Variants in TSPAN9 observed in about 807,000 individuals in gnomAD.
TSPAN9 encodes the protein tetraspanin 9, also known as tetraspanin-9.
A neutral mutation model predicts 31.0 loss-of-function variants in TSPAN9; 16 were observed. The ratio of observed to expected loss-of-function variants is 0.52; its 90% CI spans 0.35 to 0.78. The LOEUF (loss-of-function observed/expected upper bound fraction) is 0.78, where lower values mean the gene tolerates loss of function less well. TSPAN9 is among the 30% of genes least tolerant of loss of function. The probability of loss-of-function intolerance (pLI) is 0.01; values close to 1 mark genes in which losing one functional copy is unlikely to be tolerated. For synonymous variants in TSPAN9, 145 were observed against 121.6 expected (o/e 1.19, Z -1.27); for missense variants, 272 against 312.5 (o/e 0.87, Z 0.98).
intron 2 of TSPAN9, among the ~76,000 whole-genome samples, chr12:3,121,352 C>CTTT (rs59198394): frequency 6.5e-5 from 7 of 108,296 alleles, no homozygotes; most frequent in African/African-American, 1.1e-4. Flanking sequence ...GGGATGTTGG[C>CTTT]TTTTTTTTTT....
At chr12:3,226,618 AC>A (rs1426296081) in intron 3 of TSPAN9, among the ~76,000 whole-genome samples, 32 of 146,936 alleles carry the variant, frequency 2.2e-4, no homozygotes, top group Non-Finnish European at 3.7e-4. Flanking sequence ...AGGCAACATA[AC>A]AAGACCCCAT....
At position 3,170,590 on chromosome 12, in the gene TSPAN9, GT is replaced by G. The variant is rs2098351228; in HGVS notation, c.-17-30586del. Among the ~76,000 whole-genome samples the G allele has an allele frequency of 6.6e-6, 1 of 150,422 alleles. No individual in the cohort carries two copies. Among genetic ancestry groups the G allele is most frequent in the South Asian group, 2.2e-4 (1 of 4,626 alleles). On this transcript the variant is annotated intron_variant, in intron 2 of 8. Coordinates refer to ENST00000011898, the MANE Select transcript of TSPAN9 (RefSeq NM_006675.5). This position sits in a 1 kb window ranked among gnomAD's most constrained non-coding sequence, Gnocchi z 4.4. ...TAAGAGATCACTGAGTCAGTTCTGTGTGGGGGGGTCGTGATGGGGGAGCAGA... is the reference window on the plus strand; with the variant it reads ...TAAGAGATCACTGAGTCAGTTCTGTGGGGGGGGTCGTGATGGGGGAGCAGA...
At chr12:3,260,741 G>T (rs574999654) in intron 3 of TSPAN9, among the ~76,000 whole-genome samples, 1 of 152,216 alleles carries the variant, frequency 6.6e-6, no homozygotes, top group African/African-American at 2.4e-5. Flanking sequence ...CAGGGAGGGC[G>T]CAGGCCATGG....
At chr12:3,232,695 G>A (rs922685359) in intron 3 of TSPAN9, among the ~76,000 whole-genome samples, 5 of 152,172 alleles carry the variant, frequency 3.3e-5, no homozygotes, top group African/African-American at 1.2e-4. Flanking sequence ...AGTGATGCTG[G>A]CGCATCCAGC....
chr12:3,083,861 C>T (rs4766042), intron 2 of TSPAN9, 142 bp downstream of exon 2: 110,867 of 152,252 alleles, frequency 0.73, 40,710 homozygotes, highest in East Asian at 0.82. Context: ...TTCTAGTTGT[C>T]GTGCCCTGAC....
intron 2 of TSPAN9, among the ~76,000 whole-genome samples, chr12:3,093,668 C>T (rs1565572727): frequency 6.6e-6 from 1 of 152,108 alleles, no homozygotes; most frequent in Non-Finnish European, 1.5e-5. Context: ...TAGTGAGTTA[C>T]AGCTATGGAA....
intron 2 of TSPAN9, among the ~76,000 whole-genome samples, chr12:3,194,653 T>G (rs1342080433): frequency 1.3e-5 from 2 of 152,200 alleles, no homozygotes; most frequent in Admixed American, 6.5e-5. Context: ...TCTCAAAGTT[T>G]TGGGATTACA....
chr12:3,270,412 G>A (rs148312567), intron 3 of TSPAN9, among the ~76,000 whole-genome samples: 3 of 152,222 alleles, frequency 2.0e-5, no homozygotes, highest in African/African-American at 7.2e-5. Flanking sequence ...AGGCATCGCC[G>A]TGTTGGGGAC....
chr12:3,154,964 A>C (rs1378495791), intron 2 of TSPAN9, among the ~76,000 whole-genome samples: 1 of 152,178 alleles, frequency 6.6e-6, no homozygotes, highest in Non-Finnish European at 1.5e-5. Flanking sequence ...GACAACTGGA[A>C]TTTCTCAAAG....
At chr12:3,086,632 T>C (rs1412265444) in intron 2 of TSPAN9, among the ~76,000 whole-genome samples, 1 of 152,176 alleles carries the variant, frequency 6.6e-6, no homozygotes, top group East Asian at 1.9e-4. Flanking sequence ...CTGGAGAGGC[T>C]TTGCTGTTAT....
At chr12:3,194,943 G>A (rs2098366361) in intron 2 of TSPAN9, among the ~76,000 whole-genome samples, 1 of 152,230 alleles carries the variant, frequency 6.6e-6, no homozygotes, top group Non-Finnish European at 1.5e-5. Context: ...GGCAACGAAA[G>A]CATTTTCTGT....
At chr12:3,157,762 C>T (rs998236052) in intron 2 of TSPAN9, among the ~76,000 whole-genome samples, 1 of 152,166 alleles carries the variant, frequency 6.6e-6, no homozygotes, top group Non-Finnish European at 1.5e-5. Context: ...CACTTCTTTC[C>T]CCTTCCCTGA....
At chr12:3,179,827 T>C (rs2098357764) in intron 2 of TSPAN9, among the ~76,000 whole-genome samples, 1 of 152,172 alleles carries the variant, frequency 6.6e-6, no homozygotes, top group South Asian at 2.1e-4. Context: ...ATCTGGCAGA[T>C]AGTGGTGAGA....
chr12:3,087,117 G>A (rs2098300938), intron 2 of TSPAN9, among the ~76,000 whole-genome samples: 2 of 152,212 alleles, frequency 1.3e-5, no homozygotes, highest in Non-Finnish European at 2.9e-5. Flanking sequence ...TAGTGACTAT[G>A]TGCACACTTG....
chr12:3,266,411 C>T (rs1020041023), intron 3 of TSPAN9, among the ~76,000 whole-genome samples: 5 of 152,196 alleles, frequency 3.3e-5, no homozygotes, highest in African/African-American at 4.8e-5. Context: ...ACGATCGGCA[C>T]TCGTCCACAG....
chr12:3,123,987 A>G (rs1321026935), intron 2 of TSPAN9, among the ~76,000 whole-genome samples: 1 of 152,220 alleles, frequency 6.6e-6, no homozygotes, highest in African/African-American at 2.4e-5. Context: ...GAGTGCGGGA[A>G]GCAGGCAGGC....
intron 3 of TSPAN9, among the ~76,000 whole-genome samples, chr12:3,219,376 A>G (rs1250542764): frequency 1.3e-5 from 2 of 152,076 alleles, no homozygotes; most frequent in Admixed American, 6.5e-5. Context: ...TCATTATCCT[A>G]TCTCTGTTGA....
At chr12:3,251,679 G>A (rs905794447) in intron 3 of TSPAN9, among the ~76,000 whole-genome samples, 1 of 152,174 alleles carries the variant, frequency 6.6e-6, no homozygotes, top group Non-Finnish European at 1.5e-5. Context: ...GGGACAGAGG[G>A]ACACACAGGA....
At chr12:3,183,282 G>T (rs1404508823) in intron 2 of TSPAN9, among the ~76,000 whole-genome samples, 2 of 152,210 alleles carry the variant, frequency 1.3e-5, no homozygotes, top group Non-Finnish European at 2.9e-5. Context: ...AGGGATTTAG[G>T]CAGATCTGAG....
Sources: gnomAD v4.1 joint callset for allele counts (sites outside exome capture counted in the v4.1 genomes callset) on GRCh38, gnomAD v4.1.1 for gene constraint, Gnocchi (gnomAD v3.1) non-coding constraint, MANE v1.5 for transcripts, NCBI Gene and HGNC (gene_info 2026-07-23, HGNC 2026-07-21) for gene names.